TNR: variants seen among roughly 807,000 people sequenced by gnomAD.
TNR encodes tenascin R.
In TNR, 45 loss-of-function variants were observed where a neutral mutation model predicts 150.4. The observed-to-expected ratio is 0.30, with a 90% CI of 0.24 to 0.38. TNR has a LOEUF of 0.38. Among genes scored for constraint, TNR ranks in the 10% least tolerant of loss-of-function variants. The pLI, the probability that TNR is intolerant of heterozygous loss-of-function variation, is 1.00. For synonymous variants in TNR, 687 were observed against 678.4 expected (o/e 1.01, Z -0.20); for missense variants, 1,544 against 1,759.1 (o/e 0.88, Z 2.19).
intron 1 of TNR, among the ~76,000 whole-genome samples, chr1:175,582,501 G>A (rs770052054): frequency 1.3e-5 from 2 of 152,214 alleles, no homozygotes; most frequent in Non-Finnish European, 2.9e-5. Context: ...TCCTGAAGAA[G>A]ATGGGAAGAT....
At chr1:175,482,356 G>A (rs376470966) in intron 2 of TNR, among the ~76,000 whole-genome samples, 6 of 152,294 alleles carry the variant, frequency 3.9e-5, no homozygotes, top group East Asian at 1.9e-4. Flanking sequence ...CTAGGAGACC[G>A]GAAGGGATAA....
intron 1 of TNR, among the ~76,000 whole-genome samples, chr1:175,678,955 T>A (rs186067929): frequency 6.6e-6 from 1 of 152,162 alleles, no homozygotes; most frequent in Non-Finnish European, 1.5e-5. Context: ...TAGAGAGCAA[T>A]TGGGTTCTGC....
intron 1 of TNR, among the ~76,000 whole-genome samples, chr1:175,594,810 T>A (rs1338156694): frequency 2.0e-5 from 3 of 147,912 alleles, no homozygotes; most frequent in Non-Finnish European, 3.0e-5. Flanking sequence ...GAGCCAAGAT[T>A]GCAACCATTG....
chr1:175,613,675 C>T (rs1389993730), intron 1 of TNR, among the ~76,000 whole-genome samples: 1 of 152,122 alleles, frequency 6.6e-6, no homozygotes, highest in Non-Finnish European at 1.5e-5. Context: ...TTCTGGCCTC[C>T]ACTTTGGCCA....
intron 2 of TNR, among the ~76,000 whole-genome samples, chr1:175,487,536 T>C (rs532460839): frequency 6.6e-6 from 1 of 152,342 alleles, no homozygotes; most frequent in South Asian, 2.1e-4. Context: ...CATGGTTTTC[T>C]GTAGCTCTTC....
chr1:175,421,162 A>G (rs1456121956), intron 2 of TNR, among the ~76,000 whole-genome samples: 1 of 152,136 alleles, frequency 6.6e-6, no homozygotes, highest in African/African-American at 2.4e-5. Context: ...GATGAGAGTG[A>G]GTGAAGTCAA....
chr1:175,540,088 G>C (rs1445464935), intron 1 of TNR, among the ~76,000 whole-genome samples: 1 of 152,102 alleles, frequency 6.6e-6, no homozygotes, highest in Non-Finnish European at 1.5e-5. Flanking sequence ...ATGTAGAGTG[G>C]GGAGGGAACT....
At chr1:175,669,311 C>G (rs1571733977) in intron 1 of TNR, among the ~76,000 whole-genome samples, 2 of 152,332 alleles carry the variant, frequency 1.3e-5, no homozygotes, top group African/African-American at 4.8e-5. Flanking sequence ...TTGCCAGGCA[C>G]AGGGCCAGGC....
intron 1 of TNR, among the ~76,000 whole-genome samples, chr1:175,660,505 C>T (rs1665328956): frequency 6.6e-6 from 1 of 152,230 alleles, no homozygotes; most frequent in East Asian, 1.9e-4. Flanking sequence ...GCCTCAGTCT[C>T]TCTCAGTAAA....
At chr1:175,437,666 A>G (rs182629002) in intron 2 of TNR, among the ~76,000 whole-genome samples, 2 of 152,340 alleles carry the variant, frequency 1.3e-5, no homozygotes, top group East Asian at 3.9e-4. Flanking sequence ...GAAGAATCAA[A>G]TAGACGCAAT....
At chr1:175,709,308 T>TACACACATACACACACAC (rs1666932236) in intron 1 of TNR, among the ~76,000 whole-genome samples, 1 of 127,762 alleles carries the variant, frequency 7.8e-6, no homozygotes, top group Non-Finnish European at 1.7e-5. Flanking sequence ...CACACACACA[T>TACACACATACACACACAC]ACACACACAC....
At chr1:175,517,715 G>A (rs752664121) in intron 2 of TNR, among the ~76,000 whole-genome samples, 50 of 152,212 alleles carry the variant, frequency 3.3e-4, no homozygotes, top group Non-Finnish European at 5.9e-4. Context: ...CCCAGAGGCA[G>A]AGAACCTGTG....
At chr1:175,725,258 T>C (rs1459972939) in intron 1 of TNR, among the ~76,000 whole-genome samples, 1 of 152,340 alleles carries the variant, frequency 6.6e-6, no homozygotes, top group South Asian at 2.1e-4. Context: ...TGCTTTGATC[T>C]TGAACTTCCC....
At chr1:175,655,207 AC>A (rs1665135898) in intron 1 of TNR, among the ~76,000 whole-genome samples, 2 of 152,146 alleles carry the variant, frequency 1.3e-5, no homozygotes. Flanking sequence ...GGCAACATGT[AC>A]CCACAAATGT....
intron 1 of TNR, among the ~76,000 whole-genome samples, chr1:175,544,333 A>G (rs1169215483): frequency 1.3e-5 from 2 of 152,226 alleles, no homozygotes; most frequent in East Asian, 3.9e-4. Context: ...AGAGTAAGTA[A>G]AGAGTAGGGA....
chr1:175,517,416 T>G (rs1215619710), intron 2 of TNR, among the ~76,000 whole-genome samples: 1 of 152,116 alleles, frequency 6.6e-6, no homozygotes, highest in East Asian at 1.9e-4. Context: ...CTACCCATAT[T>G]CCACTGTGAG....
At chr1:175,461,840 C>CT (rs1461915480) in intron 2 of TNR, among the ~76,000 whole-genome samples, 1 of 152,124 alleles carries the variant, frequency 6.6e-6, no homozygotes, top group Admixed American at 6.5e-5. Flanking sequence ...CTTGCCTTTG[C>CT]TTTTTCTCTT....
rs367879704 is a variant in TNR, at chr1:175,719,525, GT to G, written c.-165+23700del. On this transcript the variant is annotated intron_variant, in intron 1 of 22. Transcript: ENST00000367674. ...TTTTCCAATGAAAATGAGGTAACCAGTATGAGGATGCAGTAAGTTAGCACAC... is the reference window on the plus strand; with the variant it reads ...TTTTCCAATGAAAATGAGGTAACCAGATGAGGATGCAGTAAGTTAGCACAC... 2.2e-3 allele frequency among the ~76,000 whole-genome samples: 330 copies of G among 152,344 alleles called. 2 individuals are homozygous for G. The highest frequency in any genetic ancestry group is 7.5e-3 in the African/African-American group (313 of 41,580).
intron 2 of TNR, among the ~76,000 whole-genome samples, chr1:175,492,702 A>T (rs1461886522): frequency 1.3e-5 from 2 of 152,170 alleles, no homozygotes; most frequent in East Asian, 3.8e-4. Flanking sequence ...CTTCAAAAAA[A>T]TCCTACGTGG....
Sources: gnomAD v4.1 joint callset for allele counts (sites outside exome capture counted in the v4.1 genomes callset) on GRCh38, gnomAD v4.1.1 for gene constraint, MANE v1.5 for transcripts, NCBI Gene and HGNC (gene_info 2026-07-23, HGNC 2026-07-21) for gene names.